The following KANSL1L variants were observed in gnomAD, a reference collection of about 807,000 sequenced individuals.
KANSL1L encodes KAT8 regulatory NSL complex subunit 1-like protein.
Under a neutral mutation model 108.6 loss-of-function variants are expected in KANSL1L, and 25 were observed. That is an observed-to-expected ratio of 0.23 (90% CI 0.17 to 0.32). The LOEUF (loss-of-function observed/expected upper bound fraction) is 0.32. KANSL1L is among the 10% of genes least tolerant of loss of function. KANSL1L has a pLI of 1.00. For missense variants in KANSL1L, 1,137 were observed against 1,125.7 expected, an observed-to-expected ratio of 1.01 and a Z score of -0.14; for synonymous variants, 405 against 395.1, an observed-to-expected ratio of 1.03 and a Z score of -0.30.
At chr2:210,149,913 A>C (rs1484936668) in intron 2 of KANSL1L, among the ~76,000 whole-genome samples, 2 of 151,928 alleles carry the variant, frequency 1.3e-5, no homozygotes, top group Admixed American at 6.6e-5. Flanking sequence ...CAAAAAAAAA[A>C]ACCAAAACAA....
chr2:210,106,455 A>G (rs1391549892), intron 3 of KANSL1L, among the ~76,000 whole-genome samples: 1 of 152,170 alleles, frequency 6.6e-6, no homozygotes, highest in African/African-American at 2.4e-5. Flanking sequence ...TTAGTTTAAT[A>G]AAGAATTATA....
chr2:210,029,728 A>C, intron 10 of KANSL1L, 75 bp downstream of exon 10: 1 of 739,496 alleles, frequency 1.4e-6, no homozygotes, highest in South Asian at 1.9e-5. Context: ...AGATTAGCAA[A>C]ATATAAATTA....
intron 9 of KANSL1L, chr2:210,030,859 C>G (rs1456291723): frequency 2.6e-5 from 4 of 151,960 alleles, no homozygotes; most frequent in African/African-American, 7.2e-5. Flanking sequence ...TGTAGTATGA[C>G]ATTTCTTTAT....
At chr2:210,060,010 T>C (rs2125268674) in intron 6 of KANSL1L, among the ~76,000 whole-genome samples, 1 of 152,336 alleles carries the variant, frequency 6.6e-6, no homozygotes, top group African/African-American at 2.4e-5. Flanking sequence ...CCCAAAGTGC[T>C]AGGATTACAG....
intron 2 of KANSL1L, among the ~76,000 whole-genome samples, chr2:210,145,770 G>A: frequency 6.6e-6 from 1 of 152,144 alleles, no homozygotes; most frequent in East Asian, 1.9e-4. Flanking sequence ...AGCAACCTGG[G>A]CTCCAAGGCT....
intron 2 of KANSL1L, 148 bp from the exon 3 acceptor site, chr2:210,129,320 T>C (rs896011937): frequency 3.0e-5 from 19 of 626,920 alleles, no homozygotes; most frequent in Non-Finnish European, 5.0e-5. Flanking sequence ...CAGATTGACT[T>C]CTTATCAAAG....
intron 7 of KANSL1L, among the ~76,000 whole-genome samples, chr2:210,042,807 T>C (rs889802828): frequency 5.3e-5 from 8 of 152,156 alleles, no homozygotes; most frequent in Admixed American, 2.6e-4. Context: ...AAAACTTAAA[T>C]CAAGGTAATG....
intron 8 of KANSL1L, among the ~76,000 whole-genome samples, chr2:210,037,072 A>C (rs2094113178): frequency 6.6e-6 from 1 of 152,096 alleles, no homozygotes; most frequent in South Asian, 2.1e-4. Context: ...ATTTTTTTTA[A>C]ATCAAATAGT....
intron 5 of KANSL1L, among the ~76,000 whole-genome samples, chr2:210,077,620 TTC>T (rs1443018221): frequency 6.6e-6 from 1 of 152,012 alleles, no homozygotes; most frequent in African/African-American, 2.4e-5. Context: ...CCAAAAGAGG[TTC>T]TTTGTCCAGC....
At chr2:210,035,560 C>T (rs938367965) in intron 8 of KANSL1L, among the ~76,000 whole-genome samples, 4 of 152,122 alleles carry the variant, frequency 2.6e-5, no homozygotes, top group East Asian at 1.9e-4. Context: ...GCTCACTACA[C>T]GTCTGCCTCC....
chr2:210,090,027 C>CT (rs931002662), intron 5 of KANSL1L, among the ~76,000 whole-genome samples: 28 of 152,042 alleles, frequency 1.8e-4, no homozygotes, highest in Non-Finnish European at 2.9e-4. Context: ...CACTAAAGCA[C>CT]TTTTTTTAAA....
intron 2 of KANSL1L, among the ~76,000 whole-genome samples, chr2:210,141,289 T>C (rs1297768535): frequency 2.6e-5 from 4 of 152,102 alleles, no homozygotes; most frequent in Non-Finnish European, 4.4e-5. Context: ...GTTGAATAGA[T>C]TGGTCAGAGT....
At chr2:210,119,419 T>A (rs371763764) in intron 3 of KANSL1L, among the ~76,000 whole-genome samples, 31 of 152,292 alleles carry the variant, frequency 2.0e-4, no homozygotes, top group African/African-American at 6.7e-4. Flanking sequence ...TATCCCTGAT[T>A]ATATTGATGC....
At position 210,165,960 on chromosome 2, in the gene KANSL1L, G is replaced by C. The variant is rs926361475; in HGVS notation, c.-30+5189C>G. Among the ~76,000 whole-genome samples the C allele has an allele frequency of 8.5e-5, 13 of 152,206 alleles. No homozygotes were observed. The East Asian group carries it at 2.5e-3, about 29-fold the overall frequency. Reference sequence around the variant, plus strand: ...TTATAACTGTTCTACTACTGTTGTTGCTAATCTTTTACTATGCCTAATTCA... The same window carrying C: ...TTATAACTGTTCTACTACTGTTGTTCCTAATCTTTTACTATGCCTAATTCA... On this transcript the variant is annotated intron_variant, in intron 1 of 14. Transcript: ENST00000281772.
At chr2:210,046,333 A>G (rs1202771290) in intron 6 of KANSL1L, among the ~76,000 whole-genome samples, 1 of 152,142 alleles carries the variant, frequency 6.6e-6, no homozygotes. Context: ...TCATTCCAGC[A>G]TCAACTAAAA....
intron 5 of KANSL1L, among the ~76,000 whole-genome samples, chr2:210,090,709 A>T (rs937757492): frequency 2.6e-5 from 4 of 152,058 alleles, no homozygotes; most frequent in African/African-American, 7.2e-5. Context: ...TTTTAAAAAA[A>T]TTTTGAAGAG....
At chr2:210,082,589 G>A (rs2094598951) in intron 5 of KANSL1L, among the ~76,000 whole-genome samples, 1 of 152,104 alleles carries the variant, frequency 6.6e-6, no homozygotes, top group Non-Finnish European at 1.5e-5. Context: ...TAAACTAATG[G>A]CCTCCATCTT....
Position 210,025,128 on chromosome 2 carries a change from C to T in KANSL1L, c.2540G>A (p.Ser847Asn). The change falls in exon 13 of 15, where the codon AGC becomes AAC. Residue 847 changes from serine (S) to asparagine (N), a missense_variant. This residue lies in a region of KANSL1L where 575 missense variants were observed against 567.1 expected (regional missense o/e 1.01). Coordinates refer to ENST00000281772, the MANE Select transcript of KANSL1L (RefSeq NM_152519.4). ...CCTGCTGTTTCTTCTGTGCCACTTG[C>T]TTTGCTCCCATAGTGACCACCTGGC... ...EQARWSLWEQ[S>N]KWHRRNSRAY... 1 of 1,612,224 alleles carries T rather than the reference C, an allele frequency of 6.2e-7. No individual in the cohort carries two copies.
At chr2:210,118,570 A>G (rs1449369574) in intron 3 of KANSL1L, among the ~76,000 whole-genome samples, 1 of 151,556 alleles carries the variant, frequency 6.6e-6, no homozygotes, top group African/African-American at 2.4e-5. Context: ...CATTATACCA[A>G]GCATGGTGGC....
Sources: allele counts gnomAD v4.1 joint callset (sites outside exome capture counted in the v4.1 genomes callset), GRCh38; gene constraint gnomAD v4.1.1; regional missense constraint gnomAD v4.1.1; transcripts MANE v1.5; gene names NCBI Gene and HGNC (gene_info 2026-07-23, HGNC 2026-07-21).